Variants in RBFOX3 observed in about 807,000 individuals in gnomAD.
The protein encoded by RBFOX3 is RNA binding fox-1 homolog 3, also known as RNA binding protein fox-1 homolog 3.
In RBFOX3, 17 loss-of-function variants were observed where a neutral mutation model predicts 48.7. The observed-to-expected ratio is 0.35, with a 90% CI of 0.24 to 0.52. The LOEUF (loss-of-function observed/expected upper bound fraction) is 0.52, where lower values mean the gene tolerates loss of function less well. Ranked by LOEUF, RBFOX3 falls within the 20% of genes least tolerant of loss-of-function variation. The probability of loss-of-function intolerance (pLI) is 0.94; values close to 1 mark genes in which losing one functional copy is unlikely to be tolerated. For synonymous variants in RBFOX3, 212 were observed against 209.5 expected, an observed-to-expected ratio of 1.01 and a Z score of -0.10; for missense variants, 382 against 497.5, an observed-to-expected ratio of 0.77 and a Z score of 2.21.
intron 4 of RBFOX3, among the ~76,000 whole-genome samples, chr17:79,182,000 C>CAA: frequency 7.4e-6 from 1 of 134,722 alleles, no homozygotes; most frequent in African/African-American, 2.8e-5. Flanking sequence ...CACACACACA[C>CAA]AAACACACAA....
chr17:79,438,596 C>T (rs374410479), intron 2 of RBFOX3, among the ~76,000 whole-genome samples: 20 of 152,230 alleles, frequency 1.3e-4, no homozygotes, highest in Non-Finnish European at 2.1e-4. Context: ...GGTCACTCCC[C>T]GTCTCCTCTC....
At chr17:79,502,140 A>G (rs2082461931) in intron 1 of RBFOX3, among the ~76,000 whole-genome samples, 2 of 152,180 alleles carry the variant, frequency 1.3e-5, no homozygotes, top group Admixed American at 1.3e-4. Flanking sequence ...AATATAACCT[A>G]TTTACAGGGT....
At chr17:79,508,620 C>A (rs2083551508) in intron 1 of RBFOX3, among the ~76,000 whole-genome samples, 2 of 152,168 alleles carry the variant, frequency 1.3e-5, no homozygotes, top group Admixed American at 1.3e-4. Context: ...GGTCCACCTG[C>A]TGGATCCTTG....
intron 4 of RBFOX3, among the ~76,000 whole-genome samples, chr17:79,186,819 G>A (rs75677244): frequency 0.01 from 1,576 of 152,350 alleles, 20 homozygotes; most frequent in African/African-American, 0.036. Flanking sequence ...ACCTCAGAAG[G>A]TTCCGATGGT....
At chr17:79,582,634 C>T (rs1363219295) in intron 1 of RBFOX3, among the ~76,000 whole-genome samples, 4 of 151,826 alleles carry the variant, frequency 2.6e-5, no homozygotes, top group African/African-American at 7.3e-5. Flanking sequence ...CTCATCTCTA[C>T]AAAAAATACA....
intron 2 of RBFOX3, among the ~76,000 whole-genome samples, chr17:79,358,543 C>T (rs1430069861): frequency 6.6e-6 from 1 of 152,216 alleles, no homozygotes; most frequent in African/African-American, 2.4e-5. Flanking sequence ...TTGCTGCAAC[C>T]TCTACCTCCC....
At chr17:79,271,115 A>G (rs2067609694) in intron 3 of RBFOX3, among the ~76,000 whole-genome samples, 1 of 150,188 alleles carries the variant, frequency 6.7e-6, no homozygotes, top group South Asian at 2.1e-4. Flanking sequence ...TGCTGTTGTC[A>G]CCCAGGCTGG....
chr17:79,184,601 G>A (rs1473662606), intron 4 of RBFOX3, among the ~76,000 whole-genome samples: 2 of 152,240 alleles, frequency 1.3e-5, no homozygotes, highest in Admixed American at 6.5e-5. Flanking sequence ...CAAGAGGGAT[G>A]GGCTGCCAGT....
rs1172528719 is a variant in RBFOX3 at position 79,479,020 on chromosome 17, G to A, written c.-175+3434C>T. On this transcript the variant is annotated intron_variant, in intron 2 of 14. Transcript: ENST00000693108. This position sits in a 1 kb window ranked among gnomAD's most constrained non-coding sequence, Gnocchi z 5.1. The stretch of plus-strand genomic sequence containing the variant: ...AAGGACTCGCCTGCAGTGATGGGGA[G>A]TCTCGGTCGAAGGGCTCCTTGCCAA... Among the ~76,000 whole-genome samples the A allele has an allele frequency of 6.6e-6, 1 of 152,226 alleles. No homozygotes were observed. Among genetic ancestry groups the A allele is most frequent in the Non-Finnish European group, 1.5e-5 (1 of 68,044 alleles).
intron 4 of RBFOX3, among the ~76,000 whole-genome samples, chr17:79,217,418 A>C (rs1444859983): frequency 6.6e-6 from 1 of 151,954 alleles, no homozygotes; most frequent in Non-Finnish European, 1.5e-5. Flanking sequence ...CTCGGAACAG[A>C]CTCATTCTTT....
chr17:79,227,407 A>G (rs114784435), intron 4 of RBFOX3, among the ~76,000 whole-genome samples: 313 of 152,212 alleles, frequency 2.1e-3, no homozygotes, highest in African/African-American at 7.2e-3. Flanking sequence ...CCCACCCCTA[A>G]GAGGGGGTGA....
intron 3 of RBFOX3, among the ~76,000 whole-genome samples, chr17:79,257,618 TTA>T (rs1403676434): frequency 2.0e-5 from 3 of 152,202 alleles, no homozygotes; most frequent in Non-Finnish European, 4.4e-5. Context: ...TCTTGCTCTG[TTA>T]CCCAGGATGG....
chr17:79,456,910 A>G lies in RBFOX3; in HGVS notation c.-175+25544T>C, dbSNP rs527868547. 3.4e-4 allele frequency among the ~76,000 whole-genome samples: 51 copies of G among 152,218 alleles called. 1 individual carries two copies. The South Asian group carries it at 8.3e-3, about 25-fold the overall frequency. On this transcript the variant is annotated intron_variant, in intron 2 of 14. Transcript: ENST00000693108. Reference sequence around the variant, plus strand: ...TGCCTCCTCCCATCCTAAATCCCCCAAGTTGTTCTGTATCACAGCACCTGC... The same window carrying G: ...TGCCTCCTCCCATCCTAAATCCCCCGAGTTGTTCTGTATCACAGCACCTGC...
intron 2 of RBFOX3, among the ~76,000 whole-genome samples, chr17:79,478,421 C>T (rs2078283715): frequency 6.6e-6 from 1 of 152,074 alleles, no homozygotes; most frequent in South Asian, 2.1e-4. Context: ...TCACGGCAGG[C>T]TCACACTCAG....
chr17:79,233,525 A>G (rs2061277750), intron 4 of RBFOX3: 1 of 152,220 alleles, frequency 6.6e-6, no homozygotes, highest in African/African-American at 2.4e-5. Flanking sequence ...GTACTTCAAT[A>G]AAACTATTTA....
chr17:79,656,482 C>T, the RBFOX3 span, among the ~76,000 whole-genome samples: 4 of 151,806 alleles, frequency 2.6e-5, no homozygotes, highest in South Asian at 4.2e-4. Flanking sequence ...GACATGGTGG[C>T]GTGTGCCTGT....
At chr17:79,494,380 T>G (rs2081142065) in intron 1 of RBFOX3, among the ~76,000 whole-genome samples, 1 of 152,184 alleles carries the variant, frequency 6.6e-6, no homozygotes, top group Non-Finnish European at 1.5e-5. Flanking sequence ...CCTGGGCAAG[T>G]AGCATAACGT....
intron 1 of RBFOX3, among the ~76,000 whole-genome samples, chr17:79,558,980 C>T (rs2144086738): frequency 6.6e-6 from 1 of 152,222 alleles, no homozygotes; most frequent in South Asian, 2.1e-4. Context: ...ATGCCAGGTG[C>T]TCAGCTGAGG....
chr17:79,165,287 A>T (rs537679722), intron 4 of RBFOX3, among the ~76,000 whole-genome samples: 2 of 152,166 alleles, frequency 1.3e-5, no homozygotes, highest in Admixed American at 6.5e-5. Context: ...GGAGGAAAAA[A>T]CCCGAGTTTC....
Sources: allele counts gnomAD v4.1 joint callset (sites outside exome capture counted in the v4.1 genomes callset), GRCh38; gene constraint gnomAD v4.1.1; non-coding constraint Gnocchi (gnomAD v3.1); transcripts MANE v1.5; gene names NCBI Gene and HGNC (gene_info 2026-07-23, HGNC 2026-07-21).